CDC123: variants seen among roughly 807,000 people sequenced by gnomAD.
The protein encoded by CDC123 is translation initiation factor eIF2 assembly protein.
A neutral mutation model predicts 54.4 loss-of-function variants in CDC123; 37 were observed. That is an observed-to-expected ratio of 0.68 (90% CI 0.52 to 0.89). The LOEUF is 0.89. Among genes scored for constraint, CDC123 ranks in the 40% least tolerant of loss-of-function variants. CDC123 has a pLI of 0.00. For synonymous variants in CDC123, 144 were observed against 136.8 expected, an observed-to-expected ratio of 1.05 and a Z score of -0.37; for missense variants, 361 against 412.1, an observed-to-expected ratio of 0.88 and a Z score of 1.07.
intron 12 of CDC123, 173 bp downstream of exon 12, chr10:12,249,891 G>T (rs570242474): frequency 4.8e-6 from 4 of 829,078 alleles, no homozygotes; most frequent in South Asian, 2.4e-5. Context: ...GGAGCTGAAG[G>T]CATAATTTAT....
At chr10:12,235,281 T>C (rs1564256855) in intron 8 of CDC123, among the ~76,000 whole-genome samples, 158 bp downstream of exon 8, 1 of 152,182 alleles carries the variant, frequency 6.6e-6, no homozygotes, top group Non-Finnish European at 1.5e-5. Flanking sequence ...CTCTCTGGAA[T>C]GCTGTGTTGA....
rs369720934 is a variant in CDC123, at chr10:12,238,458, T to C, written c.690T>C (p.Phe230=). 6.2e-7 allele frequency: 1 copy of C among 1,605,912 alleles called. No individual in the cohort carries two copies. Among genetic ancestry groups the C allele is most frequent in the African/African-American group, 1.3e-5 (1 of 74,362 alleles). Residue 230 remains phenylalanine (F), a splice_region_variant and synonymous_variant, in exon 10 of 13, where the codon TTT becomes TTC. Transcript: ENST00000281141. ...ACTGACTTTTTTTCTCCTTTACAGT[T>C]GTGTTCGATATATACAGAGACAGTA... ...HIQYKFLDED[F]VFDIYRDSRG...
At chr10:12,215,897 T>C in intron 5 of CDC123, 62 bp downstream of exon 5, 1 of 1,075,892 alleles carries the variant, frequency 9.3e-7, no homozygotes, top group Non-Finnish European at 1.4e-6. Context: ...GTTTATTTCA[T>C]TTCATATCCC....
chr10:12,245,342 A>C (rs1410482825), intron 10 of CDC123: 1 of 151,522 alleles, frequency 6.6e-6, no homozygotes, highest in Admixed American at 6.6e-5. Context: ...AGTAGCCTTG[A>C]CCTCCTGGGC....
At chr10:12,247,902 G>C (rs1418117963) in intron 11 of CDC123, 1 of 152,180 alleles carries the variant, frequency 6.6e-6, no homozygotes, top group African/African-American at 2.4e-5. Flanking sequence ...TACTTGGGAG[G>C]CTGCGGCAGG....
chr10:12,248,798 T>G (rs1836195045), intron 11 of CDC123, among the ~76,000 whole-genome samples: 1 of 109,318 alleles, frequency 9.1e-6, no homozygotes, highest in Non-Finnish European at 1.9e-5. Context: ...AGAGTAAAAC[T>G]TCGTCTAAAA....
In CDC123 at chr10:12,213,896, T is replaced by C. The variant is rs531235520; in HGVS notation, c.238-1844T>C. Among the ~76,000 whole-genome samples, 8 of 152,296 alleles carry C rather than the reference T, an allele frequency of 5.3e-5. No homozygotes were observed. In the South Asian group the frequency reaches 1.7e-3, roughly 32 times the overall value. On this transcript the variant is annotated intron_variant, in intron 4 of 12. Transcript: ENST00000281141. ...ACAATTGGACCTCTTCCAGATGAGA[T>C]AGAAATTGCCTGTCCGTAAGAATTA...
At chr10:12,200,145 A>T (rs1446883730) in intron 2 of CDC123, among the ~76,000 whole-genome samples, 1 of 6,230 alleles carries the variant, frequency 1.6e-4, no homozygotes, top group South Asian at 4.3e-3. Flanking sequence ...TTTTTTTTTA[A>T]AGATGGAGTC....
In CDC123 at chr10:12,228,249, C is replaced by T. The variant is rs915807573; in HGVS notation, c.441-2699C>T. ...GTGCCCAGTCCTTAATTTTTATTGA[C>T]GTAAAATAACTGTTAAGCTTAATTA... On this transcript the variant is annotated intron_variant, in intron 6 of 12. Transcript: ENST00000281141. Among the ~76,000 whole-genome samples the T allele has an allele frequency of 6.6e-5, 10 of 151,914 alleles. No homozygotes were observed. In the East Asian group the frequency reaches 1.5e-3, roughly 23 times the overall value.
intron 7 of CDC123, among the ~76,000 whole-genome samples, chr10:12,234,302 C>A (rs114821522): frequency 2.0e-5 from 3 of 152,134 alleles, no homozygotes; most frequent in African/African-American, 7.2e-5. Context: ...CATGTTGGAG[C>A]GCAATGGCGC....
chr10:12,200,627 C>T (rs1202342689), intron 2 of CDC123, among the ~76,000 whole-genome samples: 1 of 152,088 alleles, frequency 6.6e-6, no homozygotes, highest in Non-Finnish European at 1.5e-5. Context: ...TAGGCAAGCA[C>T]TGATGTTAAA....
intron 2 of CDC123, among the ~76,000 whole-genome samples, chr10:12,204,092 CAA>C (rs748765566): frequency 3.1e-4 from 40 of 131,136 alleles, no homozygotes; most frequent in Admixed American, 3.1e-4. Context: ...GACCTTGTCT[CAA>C]AAAAAAAAAA....
chr10:12,201,663 G>T (rs893632076), intron 2 of CDC123, among the ~76,000 whole-genome samples: 2 of 152,174 alleles, frequency 1.3e-5, no homozygotes, highest in Admixed American at 6.5e-5. Flanking sequence ...AAGATTAGGG[G>T]TGTGTGTGGG....
At chr10:12,204,354 T>A (rs1835485351) in intron 2 of CDC123, among the ~76,000 whole-genome samples, 1 of 152,146 alleles carries the variant, frequency 6.6e-6, no homozygotes, top group African/African-American at 2.4e-5. Context: ...AATTAGAAAA[T>A]CTGAAATCTG....
intron 6 of CDC123, among the ~76,000 whole-genome samples, chr10:12,227,155 C>G (rs1279616320): frequency 2.0e-5 from 3 of 152,034 alleles, no homozygotes; most frequent in Non-Finnish European, 4.4e-5. Flanking sequence ...ACTCGGCAGG[C>G]TGAAGCAGGA....
chr10:12,241,623 T>G (rs544557831), intron 10 of CDC123, among the ~76,000 whole-genome samples: 2 of 152,310 alleles, frequency 1.3e-5, no homozygotes, highest in Admixed American at 1.3e-4. Context: ...CCGGGTTGGT[T>G]GTTTCTTTTT....
intron 2 of CDC123, among the ~76,000 whole-genome samples, chr10:12,206,251 T>C (rs1835517773): frequency 6.6e-6 from 1 of 152,242 alleles, no homozygotes; most frequent in Non-Finnish European, 1.5e-5. Flanking sequence ...CTAACAAATA[T>C]GGTAAGTGAT....
chr10:12,220,619 A>G (rs1835723551), intron 6 of CDC123, among the ~76,000 whole-genome samples: 1 of 152,254 alleles, frequency 6.6e-6, no homozygotes, highest in Admixed American at 6.5e-5. Context: ...GCCATCACAT[A>G]AAAATTCCTT....
Position 12,210,403 on chromosome 10 carries a change from C to G in CDC123, c.237+81C>G, listed in dbSNP as rs570470197. The G allele has an allele frequency of 8.1e-6, 12 of 1,489,120 alleles. No homozygotes were observed. In the African/African-American group the frequency reaches 9.8e-5, roughly 12 times the overall value. 92.2% of individuals were successfully genotyped at this position (1,489,120 alleles called of 1,614,324 possible). Reference sequence around the variant, plus strand: ...AGCGTCAAGGTTTAAGTGCATACCTCTCTTAAATTCCTAGTCAGTCACCAT... The same window carrying G: ...AGCGTCAAGGTTTAAGTGCATACCTGTCTTAAATTCCTAGTCAGTCACCAT... On this transcript the variant is annotated intron_variant, in intron 4 of 12. Transcript: ENST00000281141.
Sources: allele counts gnomAD v4.1 joint callset (sites outside exome capture counted in the v4.1 genomes callset), GRCh38; gene constraint gnomAD v4.1.1; transcripts MANE v1.5; gene names NCBI Gene and HGNC (gene_info 2026-07-23, HGNC 2026-07-21).